MYCN: variants seen among roughly 807,000 people sequenced by gnomAD.
MYCN encodes N-myc proto-oncogene protein.
MYCN carries 3 observed loss-of-function variants against 28.1 expected under a neutral mutation model. That is an observed-to-expected ratio of 0.11 (90% CI 0.05 to 0.28). MYCN has a LOEUF of 0.28. MYCN is among the 10% of genes least tolerant of loss of function. The pLI is 1.00. For synonymous variants in MYCN, 326 were observed against 288.3 expected, an observed-to-expected ratio of 1.13 and a Z score of -1.32; for missense variants, 572 against 651.4, an observed-to-expected ratio of 0.88 and a Z score of 1.33.
Position 15,942,935 on chromosome 2 carries a change from CT to C in MYCN, c.790+83del. ...GTCCCCTTTGTTAGTGCTCGTATGTCTTGGCCTGGGGAGCATTTTGGAGGCA... is the reference window on the plus strand; with the variant it reads ...GTCCCCTTTGTTAGTGCTCGTATGTCTGGCCTGGGGAGCATTTTGGAGGCA... On this transcript the variant is annotated intron_variant, in intron 2 of 2. Coordinates refer to ENST00000281043, the MANE Select transcript of MYCN (RefSeq NM_005378.6). The surrounding 1 kb of genome is among the most constrained non-coding windows in gnomAD (Gnocchi z 7.0). 6.7e-7 allele frequency: 1 copy of C among 1,487,102 alleles called. No individual in the cohort carries two copies. Among genetic ancestry groups the C allele is most frequent in the Non-Finnish European group, 9.0e-7 (1 of 1,113,340 alleles). The allele number at this position is 1,487,102 out of a possible 1,614,324, so 92.1% of individuals were successfully genotyped here. A position where few individuals can be genotyped will look rare whatever the true frequency, so the allele number is the denominator to read the frequency against.
chr2:15,942,035 G>C lies in MYCN; in HGVS notation c.-30G>C. 4.3e-6 allele frequency: 7 copies of C among 1,612,902 alleles called. No homozygotes were observed. The highest frequency in any genetic ancestry group is 5.1e-6 in the Non-Finnish European group (6 of 1,179,874). ...ATTAAAACGAACGGGGCGGAAAGAA[G>C]CCCTCAGTCGCCGGCCGGGAGGCGA... On this transcript the variant is annotated 5_prime_UTR_variant, in exon 2 of 3. Coordinates refer to ENST00000281043, the MANE Select transcript of MYCN (RefSeq NM_005378.6). The surrounding 1 kb of genome is among the most constrained non-coding windows in gnomAD (Gnocchi z 7.0).
At chr2:15,944,227 GTCCCCTTCAGA>G (rs1215416002) in intron 2 of MYCN, among the ~76,000 whole-genome samples, 2 of 152,078 alleles carry the variant, frequency 1.3e-5, no homozygotes, top group Non-Finnish European at 2.9e-5. Flanking sequence ...CAGCTTTCCG[GTCCCCTTCAGA>G]TCAAGCAGAA....
intron 2 of MYCN, among the ~76,000 whole-genome samples, chr2:15,943,105 C>A (rs186842177): frequency 6.1e-4 from 93 of 152,354 alleles, no homozygotes; most frequent in African/African-American, 2.2e-3. Flanking sequence ...GGGAGCCCTC[C>A]TCTAGGCCAT....
At position 15,945,663 on chromosome 2, in the gene MYCN, A is replaced by C. The variant is rs1264514270; in HGVS notation, c.961A>C (p.Lys321Gln). 6.2e-7 allele frequency: 1 copy of C among 1,614,164 alleles called. No individual in the cohort carries two copies. The highest frequency in any genetic ancestry group is 1.7e-5 in the Admixed American group (1 of 60,020). ...GRAQSSELIL[K>Q]RCLPIHQQHN... ...GGCTCAGTCCAGCGAGCTGATCCTC[A>C]AACGATGCCTTCCCATCCACCAGCA... The change falls in exon 3 of 3, where the codon AAA becomes CAA. Residue 321 changes from lysine to glutamine, a missense_variant. Transcript: ENST00000281043. This position sits in a 1 kb window ranked among gnomAD's most constrained non-coding sequence, Gnocchi z 4.8.
Position 15,941,594 on chromosome 2 carries a change from GC to G in MYCN, c.-117-353del. 4.3e-6 allele frequency: 1 copy of G among 229,964 alleles called. No individual in the cohort carries two copies. The highest frequency in any genetic ancestry group is 5.3e-5 in the Admixed American group (1 of 18,884). 14.2% of individuals were successfully genotyped at this position (229,964 alleles called of 1,614,324 possible). A position where few individuals can be genotyped will look rare whatever the true frequency, so the allele number is the denominator to read the frequency against. On this transcript the variant is annotated intron_variant, in intron 1 of 2. Coordinates refer to ENST00000281043, the MANE Select transcript of MYCN (RefSeq NM_005378.6). This position sits in a 1 kb window ranked among gnomAD's most constrained non-coding sequence, Gnocchi z 4.8. ...CCTGAGCAGCCGGCCCCACACCGCTGCGAGTGCGGTTGTCTGCGTGCTCGTG... is the reference window on the plus strand; with the variant it reads ...CCTGAGCAGCCGGCCCCACACCGCTGGAGTGCGGTTGTCTGCGTGCTCGTG...
At position 15,945,489 on chromosome 2, in the gene MYCN, T is replaced by C. The variant is rs1032793155; in HGVS notation, c.791-4T>C. 2 of 1,600,232 alleles carry C rather than the reference T, an allele frequency of 1.2e-6. No individual in the cohort carries two copies. The highest frequency in any genetic ancestry group is 1.7e-6 in the Non-Finnish European group (2 of 1,172,660). ...CATGAGAGTAACTAGCATCTTTCTC[T>C]CAGATGATGAAGATGATGAAGAGGA... On this transcript the variant is annotated splice_polypyrimidine_tract_variant and splice_region_variant and intron_variant, in intron 2 of 2. Transcript: ENST00000281043. The surrounding 1 kb of genome is among the most constrained non-coding windows in gnomAD (Gnocchi z 4.8).
Position 15,946,046 on chromosome 2 carries a change from G to A in MYCN, c.1344G>A (p.Gln448=), listed in dbSNP as rs1662864554. The A allele has an allele frequency of 6.2e-7, 1 of 1,614,226 alleles. No individual in the cohort carries two copies. The highest frequency in any genetic ancestry group is 8.5e-7 in the Non-Finnish European group (1 of 1,180,048). The change falls in exon 3 of 3, where the codon CAG becomes CAA. Residue 448 remains glutamine (Q), a synonymous_variant. Transcript: ENST00000281043. The part of the protein sequence containing the change: ...HQLLLEKEKL[Q]ARQQQLLKKI... ...TTTTGCTGGAAAAGGAAAAATTGCA[G>A]GCAAGACAGCAGCAGTTGCTAAAGA...
rs1208455293 is a variant in MYCN, at chr2:15,942,172, C to T, written c.108C>T (p.Tyr36=). The stretch of plus-strand genomic sequence containing the variant: ...TCTACCCGGACGAAGATGACTTCTA[C>T]TTCGGCGGCCCCGACTCGACCCCCC... ...PCFYPDEDDF[Y]FGGPDSTPPG... The change falls in exon 2 of 3, where the codon TAC becomes TAT. Residue 36 remains tyrosine, a synonymous_variant. Coordinates refer to ENST00000281043, the MANE Select transcript of MYCN (RefSeq NM_005378.6). The surrounding 1 kb of genome is among the most constrained non-coding windows in gnomAD (Gnocchi z 7.0). 1.7e-5 allele frequency: 27 copies of T among 1,613,752 alleles called. No individual in the cohort carries two copies. The highest frequency in any genetic ancestry group is 1.6e-4 in the Middle Eastern group (1 of 6,084).
Position 15,942,641 on chromosome 2 carries a change from T to G in MYCN, c.577T>G (p.Phe193Val). The stretch of plus-strand genomic sequence containing the variant: ...CGAGTGCGTGGATCCCGCCGTGGTC[T>G]TCCCCTTTCCCGTGAACAAGCGCGA... ...AAECVDPAVV[F>V]PFPVNKREPA... The change falls in exon 2 of 3, where the codon TTC becomes GTC. Residue 193 changes from phenylalanine to valine, a missense_variant. Around this residue, in one of 3 missense-constraint regions of MYCN, gnomAD observed 499 missense variants for 524.3 expected, o/e 0.95. Coordinates refer to ENST00000281043, the MANE Select transcript of MYCN (RefSeq NM_005378.6). The surrounding 1 kb of genome is among the most constrained non-coding windows in gnomAD (Gnocchi z 7.0). 8.7e-7 allele frequency: 1 copy of G among 1,151,612 alleles called. No individual in the cohort carries two copies. The highest frequency in any genetic ancestry group is 1.1e-6 in the Non-Finnish European group (1 of 933,962). The allele number at this position is 1,151,612 out of a possible 1,614,324, so 71.3% of individuals were successfully genotyped here. A position where few individuals can be genotyped will look rare whatever the true frequency, so the allele number is the denominator to read the frequency against.
rs1231947139 is a variant in MYCN at position 15,945,590 on chromosome 2, A to T, written c.888A>T (p.Thr296=). 1.1e-5 allele frequency: 17 copies of T among 1,614,142 alleles called. No individual in the cohort carries two copies. Among genetic ancestry groups the T allele is most frequent in the Non-Finnish European group, 1.4e-5 (16 of 1,180,020 alleles). The change falls in exon 3 of 3, where the codon ACA becomes ACT. Residue 296 remains threonine, a synonymous_variant. Coordinates refer to ENST00000281043, the MANE Select transcript of MYCN (RefSeq NM_005378.6). The surrounding 1 kb of genome is among the most constrained non-coding windows in gnomAD (Gnocchi z 4.8). Reference sequence around the variant, plus strand: ...CCTCCAACACCAAGGCTGTCACCACATTCACCATCACTGTGCGTCCCAAGA... The same window carrying T: ...CCTCCAACACCAAGGCTGTCACCACTTTCACCATCACTGTGCGTCCCAAGA... The part of the protein sequence containing the change: ...RSSSNTKAVT[T]FTITVRPKNA...
At chr2:15,943,160 C>G (rs946791391) in intron 2 of MYCN, among the ~76,000 whole-genome samples, 2 of 152,194 alleles carry the variant, frequency 1.3e-5, no homozygotes, top group Non-Finnish European at 2.9e-5. Context: ...GCAGCGCAGT[C>G]TGAGGAATAA....
chr2:15,941,978 C>A lies in MYCN; in HGVS notation c.-87C>A. On this transcript the variant is annotated 5_prime_UTR_variant, in exon 2 of 3. Transcript: ENST00000281043. This position sits in a 1 kb window ranked among gnomAD's most constrained non-coding sequence, Gnocchi z 4.8. Reference sequence around the variant, plus strand: ...GAGGTCGGCGCCGGCCCCCGCCTTCCGCGCCCCCCACGGGAAGGAAGCACC... The same window carrying A: ...GAGGTCGGCGCCGGCCCCCGCCTTCAGCGCCCCCCACGGGAAGGAAGCACC... 3 of 1,547,374 alleles carry A rather than the reference C, an allele frequency of 1.9e-6. No homozygotes were observed. The highest frequency in any genetic ancestry group is 2.6e-6 in the Non-Finnish European group (3 of 1,137,786).
chr2:15,946,622 C>T lies in MYCN; in HGVS notation c.*525C>T, dbSNP rs898540780. On this transcript the variant is annotated 3_prime_UTR_variant, in exon 3 of 3. Coordinates refer to ENST00000281043, the MANE Select transcript of MYCN (RefSeq NM_005378.6). ...TAATAATACCTCAATGTTTGAGGAG[C>T]ATGTTTTGTATACAAATATATTGTT... is the stretch of plus-strand genomic sequence containing the variant. The T allele has an allele frequency of 1.1e-5, 3 of 273,918 alleles. No individual in the cohort carries two copies. The highest frequency in any genetic ancestry group is 4.7e-5 in the Admixed American group (1 of 21,326). The allele number at this position is 273,918 out of a possible 1,614,324, so 17.0% of individuals were successfully genotyped here. A position where few individuals can be genotyped will look rare whatever the true frequency, so the allele number is the denominator to read the frequency against.
rs1662712260 is a variant in MYCN, at chr2:15,942,339, C to T, written c.275C>T (p.Ala92Val). Reference sequence around the variant, plus strand: ...GAGAACGAGCTGTGGGGCAGCCCGGCCGAGGAGGACGCGTTCGGCCTGGGG... The same window carrying T: ...GAGAACGAGCTGTGGGGCAGCCCGGTCGAGGAGGACGCGTTCGGCCTGGGG... ...LLENELWGSP[A>V]EEDAFGLGGL... Residue 92 changes from alanine to valine, a missense_variant, in exon 2 of 3, where the codon GCC (alanine) becomes GTC (valine). Ala to Val is a moderately conservative substitution (Grantham distance 64). This residue lies in a region of MYCN where 499 missense variants were observed against 524.3 expected (regional missense o/e 0.95). Coordinates refer to ENST00000281043, the MANE Select transcript of MYCN (RefSeq NM_005378.6). The surrounding 1 kb of genome is among the most constrained non-coding windows in gnomAD (Gnocchi z 7.0). 1 of 1,607,152 alleles carries T rather than the reference C, an allele frequency of 6.2e-7. No homozygotes were observed. Among genetic ancestry groups the T allele is most frequent in the African/African-American group, 1.3e-5 (1 of 74,942 alleles).
Position 15,940,620 on chromosome 2 carries a change from G to C in MYCN, c.-241G>C, listed in dbSNP as rs1476659540. The C allele has an allele frequency of 7.5e-6, 3 of 400,390 alleles. No homozygotes were observed. The East Asian group carries it at 1.1e-4, about 14-fold the overall frequency. 24.8% of individuals were successfully genotyped at this position (400,390 alleles called of 1,614,324 possible). A position where few individuals can be genotyped will look rare whatever the true frequency, so the allele number is the denominator to read the frequency against. ...GGCTCCTGGGAACTGTGTTGGAGCC[G>C]AGCAAGCGCTAGCCAGGCGCAAGCG... On this transcript the variant is annotated 5_prime_UTR_variant, in exon 1 of 3. Transcript: ENST00000281043.
Position 15,946,435 on chromosome 2 carries a change from G to T in MYCN, c.*338G>T, listed in dbSNP as rs1662876000. ...AGTCATTCCTTCTTTTTAAAATGGT[G>T]CTTAAGTTCCAGCAGATGCCACATA... On this transcript the variant is annotated 3_prime_UTR_variant, in exon 3 of 3. Transcript: ENST00000281043. 4.6e-6 allele frequency: 2 copies of T among 433,990 alleles called. No homozygotes were observed. Among genetic ancestry groups the T allele is most frequent in the Non-Finnish European group, 8.6e-6 (2 of 233,510 alleles). The allele number at this position is 433,990 out of a possible 1,614,324, so 26.9% of individuals were successfully genotyped here. A position where few individuals can be genotyped will look rare whatever the true frequency, so the allele number is the denominator to read the frequency against.
intron 2 of MYCN, among the ~76,000 whole-genome samples, chr2:15,943,520 G>C (rs1662775900): frequency 6.6e-6 from 1 of 151,932 alleles, no homozygotes; most frequent in African/African-American, 2.4e-5. Context: ...CAGCAGGCGG[G>C]CCCGGGATCT....
chr2:15,941,900 C>T lies in MYCN; in HGVS notation c.-117-48C>T. 1.3e-6 allele frequency: 1 copy of T among 787,440 alleles called. No homozygotes were observed. Among genetic ancestry groups the T allele is most frequent in the East Asian group, 2.7e-5 (1 of 37,296 alleles). 48.8% of individuals were successfully genotyped at this position (787,440 alleles called of 1,614,324 possible). A position where few individuals can be genotyped will look rare whatever the true frequency, so the allele number is the denominator to read the frequency against. Reference sequence around the variant, plus strand: ...AGGGGGCGCCCATTGCCTATCCCCTCGGTCTGCCCCGTTTGCCCACCCTCT... The same window carrying T: ...AGGGGGCGCCCATTGCCTATCCCCTTGGTCTGCCCCGTTTGCCCACCCTCT... On this transcript the variant is annotated intron_variant, in intron 1 of 2. Transcript: ENST00000281043. This position sits in a 1 kb window ranked among gnomAD's most constrained non-coding sequence, Gnocchi z 4.8.
chr2:15,940,643 G>C lies in MYCN; in HGVS notation c.-218G>C, dbSNP rs901832153. On this transcript the variant is annotated 5_prime_UTR_variant, in exon 1 of 3. Coordinates refer to ENST00000281043, the MANE Select transcript of MYCN (RefSeq NM_005378.6). ...CCGAGCAAGCGCTAGCCAGGCGCAA[G>C]CGCGCACAGACTGTAGCCATCCGAG... 1 of 400,434 alleles carries C rather than the reference G, an allele frequency of 2.5e-6. No individual in the cohort carries two copies. The highest frequency in any genetic ancestry group is 2.0e-5 in the African/African-American group (1 of 48,824). The allele number at this position is 400,434 out of a possible 1,614,324, so 24.8% of individuals were successfully genotyped here.
Sources: gnomAD v4.1 joint callset for allele counts (sites outside exome capture counted in the v4.1 genomes callset) on GRCh38, gnomAD v4.1.1 for gene constraint, gnomAD v4.1.1 regional missense constraint, Gnocchi (gnomAD v3.1) non-coding constraint, MANE v1.5 for transcripts, NCBI Gene and HGNC (gene_info 2026-07-23, HGNC 2026-07-21) for gene names.